The following AEBP2 variants were observed in gnomAD, a reference collection of about 807,000 sequenced individuals.
The protein encoded by AEBP2 is zinc finger protein AEBP2.
AEBP2 carries 10 observed loss-of-function variants against 50.8 expected under a neutral mutation model. The ratio of observed to expected loss-of-function variants is 0.20; its 90% CI spans 0.12 to 0.33. The LOEUF is 0.33. Ranked by LOEUF, AEBP2 falls within the 10% of genes least tolerant of loss-of-function variation. The probability of loss-of-function intolerance (pLI) is 1.00; values close to 1 mark genes in which losing one functional copy is unlikely to be tolerated. For synonymous variants in AEBP2, 296 were observed against 261.3 expected (o/e 1.13, Z -1.28); for missense variants, 570 against 688.0 (o/e 0.83, Z 1.92).
intron 1 of AEBP2, among the ~76,000 whole-genome samples, chr12:19,449,057 A>G (rs1265068749): frequency 6.6e-6 from 1 of 152,172 alleles, no homozygotes; most frequent in Non-Finnish European, 1.5e-5. Context: ...GTTTTAAATT[A>G]ATCTTGGAAA....
chr12:19,437,637 C>T (rs182532517), upstream of AEBP2, among the ~76,000 whole-genome samples: 8 of 152,312 alleles, frequency 5.3e-5, no homozygotes, highest in South Asian at 2.1e-4. Context: ...GCCACCCTGC[C>T]GGCCTTCTGA....
intron 3 of AEBP2, among the ~76,000 whole-genome samples, 150 bp from the exon 4 acceptor site, chr12:19,493,648 GAA>G (rs1333996224): frequency 6.6e-6 from 1 of 152,158 alleles, no homozygotes; most frequent in African/African-American, 2.4e-5. Flanking sequence ...TTCGTAAAGT[GAA>G]AAGACTACTA....
chr12:19,440,764 A>T (rs1443943752), intron 1 of AEBP2: 1 of 1,533,570 alleles, frequency 6.5e-7, no homozygotes, highest in South Asian at 1.2e-5. Flanking sequence ...AACACTTGTC[A>T]GAACTACAAT....
intron 1 of AEBP2, among the ~76,000 whole-genome samples, chr12:19,433,753 A>C (rs1387661594): frequency 5.9e-5 from 9 of 151,576 alleles, no homozygotes; most frequent in African/African-American, 2.2e-4. Flanking sequence ...CAGTGAACCG[A>C]GATCATGCCA....
intron 1 of AEBP2, among the ~76,000 whole-genome samples, chr12:19,447,985 G>T (rs73337334): frequency 6.6e-6 from 1 of 152,184 alleles, no homozygotes; most frequent in East Asian, 1.9e-4. Flanking sequence ...ATATTGCCGT[G>T]TGTGGCTTTG....
At chr12:19,489,298 ATC>A (rs1183416530) in intron 3 of AEBP2, among the ~76,000 whole-genome samples, 1 of 152,238 alleles carries the variant, frequency 6.6e-6, no homozygotes, top group Non-Finnish European at 1.5e-5. Flanking sequence ...GGGAAGCAGT[ATC>A]TCTTCTTCAC....
intron 1 of AEBP2, among the ~76,000 whole-genome samples, chr12:19,441,157 A>G (rs1334373514): frequency 1.3e-5 from 2 of 152,206 alleles, no homozygotes; most frequent in Admixed American, 6.5e-5. Flanking sequence ...GAGAGTCATG[A>G]TTTTAAATGA....
At chr12:19,494,350 G>A (rs1948938636) in intron 4 of AEBP2, among the ~76,000 whole-genome samples, 1 of 152,024 alleles carries the variant, frequency 6.6e-6, no homozygotes, top group Admixed American at 6.6e-5. Flanking sequence ...AGTAGTGTGT[G>A]TACCTGAGCT....
intron 1 of AEBP2, among the ~76,000 whole-genome samples, chr12:19,408,289 G>A (rs144332074): frequency 3.3e-3 from 499 of 152,148 alleles, no homozygotes; most frequent in Non-Finnish European, 5.5e-3. Context: ...GGGTGTGCTG[G>A]CTCATGCCTG....
At chr12:19,466,870 A>G in intron 2 of AEBP2, 2 of 875,548 alleles carry the variant, frequency 2.3e-6, no homozygotes, top group Non-Finnish European at 2.7e-6. Flanking sequence ...CAAGATCTAA[A>G]CTATATTAAT....
upstream of AEBP2, among the ~76,000 whole-genome samples, chr12:19,435,411 T>A (rs1013314313): frequency 3.9e-5 from 6 of 152,112 alleles, no homozygotes; most frequent in East Asian, 7.7e-4. Flanking sequence ...CTAATTTTTT[T>A]ATTTTTTGTA....
chr12:19,481,925 C>G (rs7306939), intron 3 of AEBP2, among the ~76,000 whole-genome samples: 38,312 of 152,086 alleles, frequency 0.25, 5,602 homozygotes, highest in African/African-American at 0.41. Flanking sequence ...TCTCTGATAT[C>G]TCCTTGAGTA....
chr12:19,446,680 A>G (rs1039128371), intron 1 of AEBP2, among the ~76,000 whole-genome samples: 22 of 150,380 alleles, frequency 1.5e-4, no homozygotes, highest in African/African-American at 5.4e-4. Flanking sequence ...TGCAGTGAGC[A>G]GAGTTTGCGC....
At chr12:19,456,577 T>C (rs1410010061) in intron 1 of AEBP2, 71 of 1,539,286 alleles carry the variant, frequency 4.6e-5, no homozygotes, top group Admixed American at 1.3e-4. Context: ...CCAGCACTTA[T>C]TTGGCCTGGA....
chr12:19,404,244 C>G (rs1403277608), intron 1 of AEBP2: 1 of 152,218 alleles, frequency 6.6e-6, no homozygotes, highest in Admixed American at 6.5e-5. Flanking sequence ...TTCCCTCTGT[C>G]CCTGCGTGAG....
chr12:19,406,330 C>T (rs540072436), intron 1 of AEBP2, among the ~76,000 whole-genome samples: 10 of 152,264 alleles, frequency 6.6e-5, no homozygotes, highest in African/African-American at 2.4e-4. Flanking sequence ...TGGCATCATA[C>T]ATTCTGTGGG....
intron 5 of AEBP2, among the ~76,000 whole-genome samples, chr12:19,503,481 G>A (rs1458387971): frequency 6.6e-6 from 1 of 152,016 alleles, no homozygotes; most frequent in Non-Finnish European, 1.5e-5. Context: ...TGCTAAAGTT[G>A]TTTATCAGGT....
intron 1 of AEBP2, among the ~76,000 whole-genome samples, chr12:19,443,478 G>A (rs1565704975): frequency 6.6e-6 from 1 of 151,920 alleles, no homozygotes; most frequent in South Asian, 2.1e-4. Flanking sequence ...CAGCACTTTG[G>A]GAGGCCGAGT....
At chr12:19,491,749 A>ACT (rs1948896963) in intron 3 of AEBP2, among the ~76,000 whole-genome samples, 1 of 152,134 alleles carries the variant, frequency 6.6e-6, no homozygotes, top group Non-Finnish European at 1.5e-5. Context: ...TAAACATATA[A>ACT]CTGTTCTGCT....
Sources: allele counts gnomAD v4.1 joint callset (sites outside exome capture counted in the v4.1 genomes callset), GRCh38; gene constraint gnomAD v4.1.1; transcripts MANE v1.5; gene names NCBI Gene and HGNC (gene_info 2026-07-23, HGNC 2026-07-21).